TRDN: variants seen among roughly 807,000 people sequenced by gnomAD.
TRDN encodes the protein triadin in skeletal muscle.
TRDN carries 161 observed loss-of-function variants against 149.7 expected under a neutral mutation model. The ratio of observed to expected loss-of-function variants is 1.08; its 90% confidence interval spans 0.95 to 1.23. The LOEUF is 1.23. Ranked by LOEUF, TRDN falls within the 50% of genes most tolerant of loss-of-function variation. The pLI is 0.00. For synonymous variants in TRDN, 294 were observed against 250.5 expected, an observed-to-expected ratio of 1.17 and a Z score of -1.64; for missense variants, 896 against 823.5, an observed-to-expected ratio of 1.09 and a Z score of -1.08.
chr6:123,366,322 C>T, intron 19 of TRDN, 140 bp from the exon 20 acceptor site: 1 of 673,218 alleles, frequency 1.5e-6, no homozygotes, highest in Non-Finnish European at 2.4e-6. Flanking sequence ...AGCCAAAATA[C>T]AAAGTGCTTA....
chr6:123,384,351 T>A (rs943458326), intron 14 of TRDN, among the ~76,000 whole-genome samples: 1 of 152,142 alleles, frequency 6.6e-6, no homozygotes, highest in Non-Finnish European at 1.5e-5. Context: ...CCCAAGCAGT[T>A]CTGTGTTCCT....
intron 24 of TRDN, among the ~76,000 whole-genome samples, chr6:123,310,606 A>T (rs2114687992): frequency 6.6e-6 from 1 of 152,182 alleles, no homozygotes; most frequent in African/African-American, 2.4e-5. Flanking sequence ...TGAAGGATGT[A>T]AAGCTGGAGA....
chr6:123,563,564 A>T (rs1211205262), intron 2 of TRDN, among the ~76,000 whole-genome samples: 1 of 152,232 alleles, frequency 6.6e-6, no homozygotes, highest in Non-Finnish European at 1.5e-5. Flanking sequence ...TTGTAGGTTT[A>T]TAGATTTCCA....
At chr6:123,352,701 T>G in intron 20 of TRDN, 115 bp from the exon 21 acceptor site, 1 of 1,352,742 alleles carries the variant, frequency 7.4e-7, no homozygotes, top group African/African-American at 1.5e-5. Context: ...ACAAGTTATT[T>G]TGAAGCTTCT....
chr6:123,257,355 A>G (rs1342521670), intron 35 of TRDN, among the ~76,000 whole-genome samples: 2 of 152,176 alleles, frequency 1.3e-5, no homozygotes, highest in Non-Finnish European at 2.9e-5. Context: ...TTTTCTGCAT[A>G]TGGCAAGCCA....
chr6:123,357,337 T>A (rs542710552), intron 20 of TRDN, among the ~76,000 whole-genome samples: 1 of 152,162 alleles, frequency 6.6e-6, no homozygotes, highest in East Asian at 1.9e-4. Context: ...GTTTCAATGT[T>A]AGTGGTTTTC....
chr6:123,500,912 G>A (rs1778670000), intron 8 of TRDN, among the ~76,000 whole-genome samples: 1 of 152,196 alleles, frequency 6.6e-6, no homozygotes, highest in Non-Finnish European at 1.5e-5. Context: ...AAGGAGCAAA[G>A]TGTGTGGCAG....
chr6:123,458,156 T>C (rs1052201548), intron 10 of TRDN, among the ~76,000 whole-genome samples: 3 of 152,234 alleles, frequency 2.0e-5, no homozygotes, highest in African/African-American at 7.2e-5. Flanking sequence ...AGTCTTTGTG[T>C]TATCCATCTC....
At position 123,497,268 on chromosome 6, in the gene TRDN, GA is replaced by G; in HGVS notation, c.794-17del. The G allele has an allele frequency of 1.3e-6, 2 of 1,491,270 alleles. No individual in the cohort carries two copies. The highest frequency in any genetic ancestry group is 8.9e-7 in the Non-Finnish European group (1 of 1,122,914). 92.4% of individuals were successfully genotyped at this position (1,491,270 alleles called of 1,614,324 possible). ...GCATACTGATCTGACAGAGTAGAAA[GA>G]AAAAGAGCAATGAAAAAATGTCATC... On this transcript the variant is annotated splice_polypyrimidine_tract_variant and intron_variant, in intron 8 of 40. Transcript: ENST00000334268.
intron 12 of TRDN, among the ~76,000 whole-genome samples, chr6:123,417,331 A>G (rs938325005): frequency 6.6e-6 from 1 of 152,130 alleles, no homozygotes; most frequent in African/African-American, 2.4e-5. Flanking sequence ...GATCCCTATT[A>G]CCAAAATCAC....
Position 123,283,998 on chromosome 6 carries a change from A to ATATG in TRDN, c.1511-4917_1511-4916insCATA, listed in dbSNP as rs946815182. The stretch of plus-strand genomic sequence containing the variant: ...ACCAACATGGCACATATATATATAT[A>ATATG]TATATGTAACAAACCTGCACATTGT... On this transcript the variant is annotated intron_variant, in intron 24 of 40. Transcript: ENST00000334268. Among the ~76,000 whole-genome samples the ATATG allele has an allele frequency of 2.6e-5, 3 of 116,966 alleles. 1 individual carries two copies. Among genetic ancestry groups the ATATG allele is most frequent in the African/African-American group, 1.1e-4 (3 of 27,668 alleles). The allele number at this position is 116,966 out of a possible 152,430, so 76.7% of individuals were successfully genotyped here.
intron 12 of TRDN, among the ~76,000 whole-genome samples, chr6:123,430,611 A>G (rs1774301205): frequency 6.6e-6 from 1 of 152,054 alleles, no homozygotes; most frequent in South Asian, 2.1e-4. Context: ...ATAATATAAT[A>G]TAACACACCT....
chr6:123,448,302 C>T lies in TRDN; in HGVS notation c.932-9299G>A, dbSNP rs370643484. Among the ~76,000 whole-genome samples, 174 of 152,288 alleles carry T rather than the reference C, an allele frequency of 1.1e-3. 7 individuals are homozygous for T. The South Asian group carries it at 0.029, about 25-fold the overall frequency. On this transcript the variant is annotated intron_variant, in intron 10 of 40. Coordinates refer to ENST00000334268, the MANE Select transcript of TRDN (RefSeq NM_006073.4). ...CCACAGGCAGGGGAAGAACCAAGCC[C>T]TTTTCTTTTGCAGCTGGAAGGTGGG... is the stretch of plus-strand genomic sequence containing the variant.
chr6:123,300,583 A>G (rs1285056192), intron 24 of TRDN, among the ~76,000 whole-genome samples: 1 of 151,958 alleles, frequency 6.6e-6, no homozygotes, highest in Non-Finnish European at 1.5e-5. Context: ...TAATGACACT[A>G]TACTTGATTG....
chr6:123,222,376 A>G (rs1004806103), intron 39 of TRDN, among the ~76,000 whole-genome samples: 6 of 151,612 alleles, frequency 4.0e-5, no homozygotes, highest in Non-Finnish European at 8.9e-5. Flanking sequence ...TTAGGTTCTA[A>G]CTCAGATATT....
At chr6:123,239,415 G>A (rs1394893844) in intron 38 of TRDN, among the ~76,000 whole-genome samples, 4 of 152,020 alleles carry the variant, frequency 2.6e-5, no homozygotes, top group African/African-American at 7.2e-5. Context: ...TTGATTTAAC[G>A]GCTATAGAAT....
intron 39 of TRDN, 125 bp from the exon 40 acceptor site, chr6:123,221,647 A>C (rs1337827046): frequency 2.0e-6 from 1 of 490,600 alleles, no homozygotes; most frequent in African/African-American, 2.0e-5. Context: ...CCCTTTTTAT[A>C]GTATACTCCA....
chr6:123,599,084 A>G lies in TRDN; in HGVS notation c.23-27952T>C, dbSNP rs573181619. The stretch of plus-strand genomic sequence containing the variant: ...TAGTTGCAGTACTTAGCAATATGTC[A>G]GGCACAATAGCTGTTAACTCTTCCC... On this transcript the variant is annotated intron_variant, in intron 1 of 40. Transcript: ENST00000334268. Among the ~76,000 whole-genome samples the G allele has an allele frequency of 3.3e-5, 5 of 152,218 alleles. No homozygotes were observed. In the East Asian group the frequency reaches 7.7e-4, roughly 24 times the overall value.
chr6:123,368,380 T>C (rs1781195914), intron 19 of TRDN, among the ~76,000 whole-genome samples: 1 of 152,182 alleles, frequency 6.6e-6, no homozygotes. Flanking sequence ...CTACTACTAC[T>C]ATGAATATTA....
Sources: allele counts gnomAD v4.1 joint callset (sites outside exome capture counted in the v4.1 genomes callset), GRCh38; gene constraint gnomAD v4.1.1; transcripts MANE v1.5; gene names NCBI Gene and HGNC (gene_info 2026-07-23, HGNC 2026-07-21).